Variants in NALF1 observed in about 807,000 individuals in gnomAD.
NALF1 encodes NALCN channel auxiliary factor 1.
NALF1 carries 3 observed loss-of-function variants against 48.4 expected under a neutral mutation model. The observed-to-expected ratio is 0.06, with a 90% CI of 0.03 to 0.16. The LOEUF (loss-of-function observed/expected upper bound fraction) is 0.16. Among genes scored for constraint, NALF1 ranks in the 10% least tolerant of loss-of-function variants. The pLI is 1.00. For missense variants in NALF1, 526 were observed against 571.5 expected (o/e 0.92, Z 0.81); for synonymous variants, 262 against 245.7 (o/e 1.07, Z -0.62).
intron 1 of NALF1, among the ~76,000 whole-genome samples, chr13:107,586,962 A>T (rs947340839): frequency 1.3e-5 from 2 of 152,070 alleles, no homozygotes; most frequent in African/African-American, 4.8e-5. Flanking sequence ...GCATTAGTAG[A>T]TTGATTAGAT....
intron 1 of NALF1, among the ~76,000 whole-genome samples, chr13:107,437,429 T>C (rs1884481105): frequency 6.6e-6 from 1 of 152,202 alleles, no homozygotes; most frequent in Non-Finnish European, 1.5e-5. Context: ...CAAAAACTTG[T>C]AAGAGAATGC....
chr13:107,752,944 T>G (rs533915092), intron 1 of NALF1, among the ~76,000 whole-genome samples: 2 of 152,234 alleles, frequency 1.3e-5, no homozygotes. Flanking sequence ...ATTAGTACCA[T>G]GCGAAAATTC....
At chr13:107,266,392 A>T (rs3949948) in intron 1 of NALF1, among the ~76,000 whole-genome samples, 1 of 152,052 alleles carries the variant, frequency 6.6e-6, no homozygotes, top group Admixed American at 6.6e-5. Context: ...TGTACACCCC[A>T]CCTGGAAAAT....
intron 1 of NALF1, among the ~76,000 whole-genome samples, chr13:107,631,583 C>G (rs1021449748): frequency 2.0e-5 from 3 of 152,016 alleles, no homozygotes; most frequent in Non-Finnish European, 4.4e-5. Flanking sequence ...CTCTTGAGAG[C>G]TTTTTATTAC....
intron 1 of NALF1, among the ~76,000 whole-genome samples, chr13:107,602,306 A>G (rs1566410613): frequency 1.3e-5 from 2 of 152,192 alleles, no homozygotes; most frequent in Non-Finnish European, 2.9e-5. Context: ...GTGGTTAGAA[A>G]GCGGCTGAGA....
At chr13:107,231,884 G>A (rs533864843) in intron 1 of NALF1, among the ~76,000 whole-genome samples, 1 of 152,286 alleles carries the variant, frequency 6.6e-6, no homozygotes, top group Admixed American at 6.5e-5. Context: ...CTAGGAGCAG[G>A]AAAGTTTTGA....
chr13:107,347,972 C>A, intron 1 of NALF1, among the ~76,000 whole-genome samples: 1 of 152,168 alleles, frequency 6.6e-6, no homozygotes, highest in East Asian at 1.9e-4. Flanking sequence ...CACACCTCTC[C>A]GCAGAAAGCA....
At chr13:107,275,895 C>T (rs929510520) in intron 1 of NALF1, among the ~76,000 whole-genome samples, 1 of 152,252 alleles carries the variant, frequency 6.6e-6, no homozygotes, top group South Asian at 2.1e-4. Context: ...GGAGCCACTT[C>T]GAGCTCATGC....
chr13:107,593,650 G>A (rs954503664), intron 1 of NALF1, among the ~76,000 whole-genome samples: 3 of 151,790 alleles, frequency 2.0e-5, no homozygotes, highest in Admixed American at 6.6e-5. Context: ...GGAGTCAAAC[G>A]ATGTGTTTGG....
In NALF1 at chr13:107,170,644, T is replaced by C; in HGVS notation, c.1230A>G (p.Thr410=). Residue 410 remains threonine (T), a synonymous_variant, in exon 3 of 3, where the codon ACA becomes ACG. Coordinates refer to ENST00000375915, the MANE Select transcript of NALF1 (RefSeq NM_001080396.3). ...GCTTGAGTCTGCTGTTGCACAGTCT[T>C]GTTGCTGATGACACTGTGAGCGATG... is the stretch of plus-strand genomic sequence containing the variant. ...HRTSLTVSSA[T]RLCNSRLKLC... 1.2e-6 allele frequency: 2 copies of C among 1,614,226 alleles called. No individual in the cohort carries two copies. Among genetic ancestry groups the C allele is most frequent in the Non-Finnish European group, 1.7e-6 (2 of 1,180,040 alleles).
At chr13:107,582,835 T>C (rs1001808963) in intron 1 of NALF1, among the ~76,000 whole-genome samples, 1 of 152,180 alleles carries the variant, frequency 6.6e-6, no homozygotes, top group Admixed American at 6.6e-5. Flanking sequence ...GAAACTTTCA[T>C]GTGTAATCAA....
At chr13:107,230,256 A>G (rs1880192136) in intron 1 of NALF1, among the ~76,000 whole-genome samples, 1 of 152,214 alleles carries the variant, frequency 6.6e-6, no homozygotes, top group South Asian at 2.1e-4. Flanking sequence ...TTAATCTAGT[A>G]AACTAGAAAT....
At chr13:107,644,110 T>C (rs1880240119) in intron 1 of NALF1, among the ~76,000 whole-genome samples, 1 of 152,106 alleles carries the variant, frequency 6.6e-6, no homozygotes, top group African/African-American at 2.4e-5. Flanking sequence ...TGGATGAGGA[T>C]AATTTATAAA....
Position 107,865,871 on chromosome 13 carries a change from G to T in NALF1, c.726C>A (p.Asn242Lys), listed in dbSNP as rs1487640424. 1 of 1,614,122 alleles carries T rather than the reference G, an allele frequency of 6.2e-7. No homozygotes were observed. The highest frequency in any genetic ancestry group is 1.7e-5 in the Admixed American group (1 of 60,020). The change falls in exon 1 of 3, where the codon AAC (asparagine) becomes AAA (lysine). Residue 242 changes from asparagine to lysine, a missense_variant. Physicochemically the swap from Asn to Lys is moderately conservative, Grantham distance 94. Transcript: ENST00000375915. ...WELFSGLSSP[N>K]TLNCSLDVVL... ...CCACATCCAGACTGCAGTTCAAAGT[G>T]TTGGGACTGGACAACCCCGAGAACA... is the stretch of plus-strand genomic sequence containing the variant.
At chr13:107,480,050 A>G (rs1445504643) in intron 1 of NALF1, among the ~76,000 whole-genome samples, 1 of 152,184 alleles carries the variant, frequency 6.6e-6, no homozygotes, top group Non-Finnish European at 1.5e-5. Flanking sequence ...AAAGGATCCA[A>G]TTTCAAAAAA....
At chr13:107,386,757 A>T (rs9669928) in intron 1 of NALF1, among the ~76,000 whole-genome samples, 89,493 of 152,018 alleles carry the variant, frequency 0.59, 26,486 homozygotes, top group Middle Eastern at 0.68. Context: ...GAGCTATTTC[A>T]TTCTAGTACG....
chr13:107,645,861 G>A lies in NALF1; in HGVS notation c.915+219821C>T, dbSNP rs373662105. Reference sequence around the variant, plus strand: ...TCTGGGATTTTAATTTCTCATTCCCGAGTATCATAGCAAAATTCAATTCCA... The same window carrying A: ...TCTGGGATTTTAATTTCTCATTCCCAAGTATCATAGCAAAATTCAATTCCA... On this transcript the variant is annotated intron_variant, in intron 1 of 2. Coordinates refer to ENST00000375915, the MANE Select transcript of NALF1 (RefSeq NM_001080396.3). Among the ~76,000 whole-genome samples the A allele has an allele frequency of 1.1e-3, 165 of 152,106 alleles. 1 individual carries two copies. Among genetic ancestry groups the A allele is most frequent in the African/African-American group, 3.6e-3 (150 of 41,488 alleles).
At chr13:107,569,703 A>T (rs994931493) in intron 1 of NALF1, among the ~76,000 whole-genome samples, 2 of 152,096 alleles carry the variant, frequency 1.3e-5, no homozygotes, top group African/African-American at 4.8e-5. Flanking sequence ...CCTTTTCAAA[A>T]TTGTCTTGAA....
chr13:107,271,901 C>A (rs1881184705), intron 1 of NALF1, among the ~76,000 whole-genome samples: 1 of 149,796 alleles, frequency 6.7e-6, no homozygotes, highest in Non-Finnish European at 1.5e-5. Context: ...GAGGAACTTT[C>A]TGACAAATGA....
Sources: allele counts gnomAD v4.1 joint callset (sites outside exome capture counted in the v4.1 genomes callset), GRCh38; gene constraint gnomAD v4.1.1; transcripts MANE v1.5; gene names NCBI Gene and HGNC (gene_info 2026-07-23, HGNC 2026-07-21).